Variants in JAZF1 observed in about 807,000 individuals in gnomAD.
The protein encoded by JAZF1 is JAZF zinc finger 1.
In JAZF1, 8 loss-of-function variants were observed where a neutral mutation model predicts 26.4. The ratio of observed to expected loss-of-function variants is 0.30; its 90% CI spans 0.18 to 0.55. The LOEUF (loss-of-function observed/expected upper bound fraction) is 0.55, where lower values mean the gene tolerates loss of function less well. Among genes scored for constraint, JAZF1 ranks in the 20% least tolerant of loss-of-function variants. The pLI, the probability that JAZF1 is intolerant of heterozygous loss-of-function variation, is 0.94. For missense variants in JAZF1, 199 were observed against 322.0 expected (o/e 0.62, Z 2.92); for synonymous variants, 126 against 122.3 (o/e 1.03, Z -0.20).
At chr7:28,055,159 G>GT (rs1199630307) in intron 1 of JAZF1, among the ~76,000 whole-genome samples, 1 of 150,562 alleles carries the variant, frequency 6.6e-6, no homozygotes, top group African/African-American at 2.4e-5. Context: ...CCTTTCAGGT[G>GT]TTTTAAAAAA....
rs1783083384 is a variant in JAZF1 at position 28,025,681 on chromosome 7, A to G, written c.116-33700T>C. 5.9e-5 allele frequency among the ~76,000 whole-genome samples: 9 copies of G among 152,254 alleles called. No individual in the cohort carries two copies. The South Asian group carries it at 1.7e-3, about 28-fold the overall frequency. ...ATCCGACTTTGAAATTATATCCTCA[A>G]CTCTTAAACCTTCATTTATGGTTCA... On this transcript the variant is annotated intron_variant, in intron 1 of 4. Coordinates refer to ENST00000283928, the MANE Select transcript of JAZF1 (RefSeq NM_175061.4).
intron 2 of JAZF1, among the ~76,000 whole-genome samples, chr7:27,955,578 G>A (rs572769261): frequency 1.2e-4 from 18 of 152,270 alleles, no homozygotes; most frequent in South Asian, 4.2e-4. Flanking sequence ...TCGTTGTTTC[G>A]TGAAATTGGG....
chr7:27,983,290 T>C (rs1785625099), intron 2 of JAZF1, among the ~76,000 whole-genome samples: 2 of 152,196 alleles, frequency 1.3e-5, no homozygotes, highest in Non-Finnish European at 2.9e-5. Flanking sequence ...GCACGAGAAC[T>C]ACGTGATGAA....
At chr7:28,011,801 C>T (rs1003079217) in intron 1 of JAZF1, among the ~76,000 whole-genome samples, 2 of 152,256 alleles carry the variant, frequency 1.3e-5, no homozygotes, top group Non-Finnish European at 2.9e-5. Context: ...CCCTTCTTCT[C>T]AACGCCCTTT....
chr7:27,984,496 T>A (rs1029630328), intron 2 of JAZF1, among the ~76,000 whole-genome samples: 1 of 152,100 alleles, frequency 6.6e-6, no homozygotes, highest in Non-Finnish European at 1.5e-5. Context: ...TCCCACACAA[T>A]AATAACGGGA....
chr7:28,061,129 G>A (rs1171612531), intron 1 of JAZF1, among the ~76,000 whole-genome samples: 2 of 152,296 alleles, frequency 1.3e-5, no homozygotes, highest in African/African-American at 4.8e-5. Context: ...CCTCATACAT[G>A]GGTTTTTGTA....
intron 3 of JAZF1, among the ~76,000 whole-genome samples, chr7:27,865,304 G>A (rs1402447964): frequency 1.3e-5 from 2 of 152,172 alleles, no homozygotes; most frequent in Non-Finnish European, 2.9e-5. Context: ...TGGGGAGGTT[G>A]AGGCTGCAGT....
At chr7:27,907,414 C>T (rs1233272662) in intron 2 of JAZF1, among the ~76,000 whole-genome samples, 1 of 152,152 alleles carries the variant, frequency 6.6e-6, no homozygotes, top group African/African-American at 2.4e-5. Context: ...ATTTAACTGC[C>T]ATCTAGGAGA....
intron 2 of JAZF1, among the ~76,000 whole-genome samples, chr7:27,981,819 A>C (rs1370460670): frequency 6.6e-6 from 1 of 152,124 alleles, no homozygotes; most frequent in Admixed American, 6.5e-5. Flanking sequence ...TCATGCCCTG[A>C]CTCTAGAATT....
chr7:27,990,396 C>A (rs909731730), intron 2 of JAZF1, among the ~76,000 whole-genome samples: 98 of 151,302 alleles, frequency 6.5e-4, no homozygotes, highest in Non-Finnish European at 4.9e-4. Flanking sequence ...AACAAACCTG[C>A]ACGTTGTGCA....
chr7:27,915,155 CAACT>C (rs1704624987), intron 2 of JAZF1, among the ~76,000 whole-genome samples: 2 of 152,134 alleles, frequency 1.3e-5, no homozygotes, highest in South Asian at 4.1e-4. Context: ...TTACTGGTAA[CAACT>C]AATTTTGTCT....
intron 3 of JAZF1, among the ~76,000 whole-genome samples, chr7:27,863,666 C>T (rs1391470271): frequency 6.6e-6 from 1 of 152,216 alleles, no homozygotes; most frequent in Non-Finnish European, 1.5e-5. Flanking sequence ...ACAATTGGCA[C>T]TCAATATATA....
chr7:28,013,706 G>C (rs1023863819), intron 1 of JAZF1, among the ~76,000 whole-genome samples: 16 of 152,002 alleles, frequency 1.1e-4, no homozygotes, highest in Non-Finnish European at 2.4e-4. Context: ...ATTCTATGAG[G>C]GACATCACAA....
chr7:28,001,331 GAC>G (rs1171506690), intron 1 of JAZF1, among the ~76,000 whole-genome samples: 2 of 151,786 alleles, frequency 1.3e-5, no homozygotes, highest in Non-Finnish European at 2.9e-5. Flanking sequence ...CAGCCTGGGT[GAC>G]AGAGTGAGAC....
chr7:27,871,799 G>C (rs1783587921), intron 3 of JAZF1, among the ~76,000 whole-genome samples: 1 of 152,176 alleles, frequency 6.6e-6, no homozygotes, highest in African/African-American at 2.4e-5. Context: ...CGTGTGAAGG[G>C]TATATGGTTC....
chr7:27,878,610 T>C (rs10266923), intron 3 of JAZF1, among the ~76,000 whole-genome samples: 73,750 of 152,080 alleles, frequency 0.48, 18,040 homozygotes, highest in Middle Eastern at 0.6. Context: ...TTTCATGCCA[T>C]AGTGTTTTTC....
intron 3 of JAZF1, among the ~76,000 whole-genome samples, chr7:27,888,055 A>G (rs1783900073): frequency 6.6e-6 from 1 of 152,230 alleles, no homozygotes; most frequent in African/African-American, 2.4e-5. Flanking sequence ...CCTACAGAAC[A>G]CAGGCGGAGA....
intron 1 of JAZF1, among the ~76,000 whole-genome samples, chr7:28,005,964 T>C (rs1456509579): frequency 1.3e-5 from 2 of 152,032 alleles, no homozygotes; most frequent in Admixed American, 1.3e-4. Flanking sequence ...TCTGTGTGAC[T>C]TGAGCAAGTT....
intron 1 of JAZF1, among the ~76,000 whole-genome samples, chr7:28,104,235 T>C (rs1238839876): frequency 6.6e-6 from 1 of 152,178 alleles, no homozygotes; most frequent in Non-Finnish European, 1.5e-5. Context: ...CCTCTCCACT[T>C]TCCTTATCTT....
Sources: gnomAD v4.1 joint callset for allele counts (sites outside exome capture counted in the v4.1 genomes callset) on GRCh38, gnomAD v4.1.1 for gene constraint, MANE v1.5 for transcripts, NCBI Gene and HGNC (gene_info 2026-07-23, HGNC 2026-07-21) for gene names.